BORA: variants seen among roughly 807,000 people sequenced by gnomAD.
BORA encodes the protein protein aurora borealis.
In BORA, 26 loss-of-function variants were observed where a neutral mutation model predicts 55.8. That is an observed-to-expected ratio of 0.47 (90% confidence interval 0.34 to 0.65). The LOEUF is 0.65. Among genes scored for constraint, BORA ranks in the 30% least tolerant of loss-of-function variants. BORA has a pLI of 0.01. For missense variants in BORA, 568 were observed against 671.5 expected (o/e 0.85, Z 1.70); for synonymous variants, 201 against 216.9 (o/e 0.93, Z 0.64).
chr13:72,737,521 T>G (rs2032953228), intron 4 of BORA, among the ~76,000 whole-genome samples: 1 of 152,172 alleles, frequency 6.6e-6, no homozygotes, highest in South Asian at 2.1e-4. Flanking sequence ...AATATTGGTT[T>G]TAACAACTGG....
At chr13:72,740,600 C>T (rs1022337494) in intron 5 of BORA, among the ~76,000 whole-genome samples, 5 of 152,160 alleles carry the variant, frequency 3.3e-5, no homozygotes, top group African/African-American at 1.2e-4. Flanking sequence ...CCAAGGTTGG[C>T]AGCCCTTAAG....
At chr13:72,743,458 T>C (rs779449142) in intron 5 of BORA, 79 bp from the exon 6 acceptor site, 38 of 1,010,112 alleles carry the variant, frequency 3.8e-5, no homozygotes, top group Non-Finnish European at 4.6e-5. Flanking sequence ...ACTTTCTTAA[T>C]TTTTTACTTT....
In BORA at chr13:72,755,156, C is replaced by G; in HGVS notation, c.1620C>G (p.Asp540Glu). 1 of 1,613,656 alleles carries G rather than the reference C, an allele frequency of 6.2e-7. No individual in the cohort carries two copies. Among genetic ancestry groups the G allele is most frequent in the Non-Finnish European group, 8.5e-7 (1 of 1,179,740 alleles). ...SKSQAFNMKQ[D>E]HTTQRCWMKT... ...TATTGTCTTCTTTTTCACAGCAAGA[C>G]CACACAACACAGAGGTGTTGGATGA... The change falls in exon 12 of 12, where the codon GAC becomes GAG. Residue 540 changes from aspartate to glutamate, a missense_variant. By Grantham distance (45) the Asp-to-Glu change is conservative. Coordinates refer to ENST00000390667, the MANE Select transcript of BORA (RefSeq NM_024808.5).
At position 72,746,926 on chromosome 13, in the gene BORA, G is replaced by C. The variant is rs1297596473; in HGVS notation, c.1297G>C (p.Val433Leu). 6.2e-7 allele frequency: 1 copy of C among 1,614,006 alleles called. No homozygotes were observed. Among genetic ancestry groups the C allele is most frequent in the Non-Finnish European group, 8.5e-7 (1 of 1,179,986 alleles). Residue 433 changes from valine (V) to leucine (L), a missense_variant, in exon 10 of 12, where the codon GTG (valine) becomes CTG (leucine). Val to Leu is a conservative substitution (Grantham distance 32). Transcript: ENST00000390667. ...TGAAAGGGAGAAAGACAATAACACT[G>C]TGGATATGGTTGATCCTATAGAGAT... ...DVEREKDNNTVDMVDPIEIAD... is the reference protein window; with the variant it reads ...DVEREKDNNTLDMVDPIEIAD...
chr13:72,751,736 T>C (rs557669902), intron 10 of BORA, among the ~76,000 whole-genome samples: 2 of 152,186 alleles, frequency 1.3e-5, no homozygotes, highest in African/African-American at 4.8e-5. Context: ...GAAGAGCAGA[T>C]TTTGAAAGTT....
chr13:72,738,953 C>T (rs1474918370), intron 5 of BORA, among the ~76,000 whole-genome samples: 5 of 152,144 alleles, frequency 3.3e-5, no homozygotes, highest in African/African-American at 1.2e-4. Flanking sequence ...TCAAAATTCT[C>T]AAATCAGATG....
rs535895247 is a variant in BORA at position 72,756,127 on chromosome 13, A to G, written c.*911A>G. 1 of 391,176 alleles carries G rather than the reference A, an allele frequency of 2.6e-6. No individual in the cohort carries two copies. The highest frequency in any genetic ancestry group is 1.5e-4 in the South Asian group (1 of 6,878). The allele number at this position is 391,176 out of a possible 1,614,324, so 24.2% of individuals were successfully genotyped here. On this transcript the variant is annotated 3_prime_UTR_variant, in exon 12 of 12. Coordinates refer to ENST00000390667, the MANE Select transcript of BORA (RefSeq NM_024808.5). ...TGGAAATACTATCTTTGGAGAATGT[A>G]TTTTTGTATTTATAAATCAACTTTT... is the stretch of plus-strand genomic sequence containing the variant.
At chr13:72,745,394 C>T (rs544355561) in intron 8 of BORA, among the ~76,000 whole-genome samples, 187 bp downstream of exon 8, 38 of 152,282 alleles carry the variant, frequency 2.5e-4, no homozygotes, top group African/African-American at 8.2e-4. Context: ...ACTAAGAACT[C>T]ATGACTGTAT....
At chr13:72,743,675 T>G in intron 6 of BORA, 73 bp downstream of exon 6, 1 of 1,131,242 alleles carries the variant, frequency 8.8e-7, no homozygotes, top group Non-Finnish European at 1.3e-6. Flanking sequence ...CCAGTTCAGG[T>G]AGTAACACTT....
In BORA at chr13:72,744,987, A is replaced by G. The variant is rs751920912; in HGVS notation, c.518A>G (p.Tyr173Cys). 2 of 1,613,526 alleles carry G rather than the reference A, an allele frequency of 1.2e-6. No homozygotes were observed. The highest frequency in any genetic ancestry group is 1.7e-6 in the Non-Finnish European group (2 of 1,179,620). ...DFNLENILGD[Y>C]FRADEFADQS... is the part of the protein sequence containing the mutation. Reference sequence around the variant, plus strand: ...CTCCTATTATTAAATATAGGTGACTATTTTAGAGCTGATGAATTTGCAGAT... The same window carrying G: ...CTCCTATTATTAAATATAGGTGACTGTTTTAGAGCTGATGAATTTGCAGAT... The change falls in exon 8 of 12, where the codon TAT becomes TGT. Residue 173 changes from tyrosine to cysteine, a missense_variant. Coordinates refer to ENST00000390667, the MANE Select transcript of BORA (RefSeq NM_024808.5).
chr13:72,728,137 GA>G (rs2032720380), intron 1 of BORA, 130 bp downstream of exon 1: 13 of 1,296,490 alleles, frequency 1.0e-5, no homozygotes, highest in Non-Finnish European at 1.1e-5. Context: ...GTGTGGAAGA[GA>G]GGGGCACCAG....
chr13:72,735,082 T>G, intron 4 of BORA, 77 bp downstream of exon 4: 1 of 1,167,152 alleles, frequency 8.6e-7, no homozygotes, highest in Non-Finnish European at 1.3e-6. Context: ...TAGGAAGACT[T>G]TCTTCAATTC....
intron 10 of BORA, among the ~76,000 whole-genome samples, chr13:72,749,855 G>A (rs1195072706): frequency 6.6e-6 from 1 of 152,004 alleles, no homozygotes; most frequent in Non-Finnish European, 1.5e-5. Flanking sequence ...AGCCTTCCCA[G>A]ATCACATTAG....
chr13:72,749,616 GT>G (rs1477638894), intron 10 of BORA, among the ~76,000 whole-genome samples: 1 of 151,578 alleles, frequency 6.6e-6, no homozygotes, highest in Admixed American at 6.6e-5. Context: ...AATGCGTTCG[GT>G]ACTAATTTTA....
Position 72,746,730 on chromosome 13 carries a change from T to C in BORA, c.1101T>C (p.Asn367=). The C allele has an allele frequency of 6.2e-7, 1 of 1,614,146 alleles. No individual in the cohort carries two copies. The highest frequency in any genetic ancestry group is 1.1e-5 in the South Asian group (1 of 91,080). Residue 367 remains asparagine (N), a synonymous_variant, in exon 10 of 12, where the codon AAT becomes AAC. Coordinates refer to ENST00000390667, the MANE Select transcript of BORA (RefSeq NM_024808.5). ...GTGAAGATGAGGAAGATAAAGAGAA[T>C]ATTCCTTCCACAGATGTCTCATCAC... ...TQGEDEEDKE[N]IPSTDVSSPA...
intron 10 of BORA, chr13:72,753,434 T>C (rs560412271): frequency 1.0e-5 from 3 of 300,838 alleles, no homozygotes; most frequent in Admixed American, 4.8e-5. Context: ...ATTGTGTCAG[T>C]AGGCTGTTCA....
intron 7 of BORA, 138 bp downstream of exon 7, chr13:72,744,699 C>G: frequency 2.9e-6 from 2 of 698,788 alleles, no homozygotes; most frequent in Non-Finnish European, 2.4e-6. Flanking sequence ...TGAAATTTCT[C>G]TTTTTCTTGA....
At position 72,729,079 on chromosome 13, in the gene BORA, T is replaced by G; in HGVS notation, c.139T>G (p.Ser47Ala). Reference sequence around the variant, plus strand: ...TCTCGCCAGTCCTTCTGTTTTTAAATCAACAAAATTACCAGTAAGTTATTC... The same window carrying G: ...TCTCGCCAGTCCTTCTGTTTTTAAAGCAACAAAATTACCAGTAAGTTATTC... Reference protein sequence around the residue: ...QTLASPSVFKSTKLPTPGKFR... With the variant: ...QTLASPSVFKATKLPTPGKFR... Residue 47 changes from serine (S) to alanine (A), a missense_variant, in exon 2 of 12, where the codon TCA becomes GCA. Ser to Ala is a moderately conservative substitution (Grantham distance 99). Transcript: ENST00000390667. The G allele has an allele frequency of 6.4e-7, 1 of 1,564,994 alleles. No individual in the cohort carries two copies. The highest frequency in any genetic ancestry group is 8.6e-7 in the Non-Finnish European group (1 of 1,162,868).
At chr13:72,752,063 G>C (rs1198261819) in intron 10 of BORA, 1 of 152,088 alleles carries the variant, frequency 6.6e-6, no homozygotes, top group African/African-American at 2.4e-5. Context: ...TTATGTGGTA[G>C]AAAAATAAAT....
Sources: gnomAD v4.1 joint callset for allele counts (sites outside exome capture counted in the v4.1 genomes callset) on GRCh38, gnomAD v4.1.1 for gene constraint, MANE v1.5 for transcripts, NCBI Gene and HGNC (gene_info 2026-07-23, HGNC 2026-07-21) for gene names.